RIMS2: variants seen among roughly 807,000 people sequenced by gnomAD.
RIMS2 encodes regulating synaptic membrane exocytosis 2, also known as regulating synaptic membrane exocytosis protein 2.
A neutral mutation model predicts 174.4 loss-of-function variants in RIMS2; 59 were observed. The observed-to-expected ratio is 0.34, with a 90% confidence interval of 0.27 to 0.42. RIMS2 has a LOEUF of 0.42. RIMS2 is among the 10% of genes least tolerant of loss of function. The pLI, the probability that RIMS2 is intolerant of heterozygous loss-of-function variation, is 1.00. For synonymous variants in RIMS2, 606 were observed against 572.5 expected (o/e 1.06, Z -0.84); for missense variants, 1,620 against 1,666.3 (o/e 0.97, Z 0.48).
At chr8:103,769,308 A>G (rs1418922730) in intron 3 of RIMS2, among the ~76,000 whole-genome samples, 4 of 152,046 alleles carry the variant, frequency 2.6e-5, no homozygotes, top group Non-Finnish European at 4.4e-5. Flanking sequence ...CCTATCTGTA[A>G]TCTTTGTTTT....
chr8:104,149,875 G>A (rs1035585935), intron 19 of RIMS2, among the ~76,000 whole-genome samples: 9 of 151,842 alleles, frequency 5.9e-5, no homozygotes, highest in Non-Finnish European at 8.8e-5. Flanking sequence ...ATAATTATTT[G>A]GTGGTATTTT....
intron 3 of RIMS2, among the ~76,000 whole-genome samples, chr8:103,852,662 GT>G (rs1158696424): frequency 2.0e-5 from 3 of 151,812 alleles, no homozygotes; most frequent in Non-Finnish European, 4.4e-5. Context: ...ATGGTATATG[GT>G]TTTCTGTTCC....
At chr8:104,122,477 A>G (rs1331517224) in intron 19 of RIMS2, among the ~76,000 whole-genome samples, 1 of 152,154 alleles carries the variant, frequency 6.6e-6, no homozygotes, top group Non-Finnish European at 1.5e-5. Context: ...ATAGGAAGCA[A>G]AGGGAAAGAA....
At chr8:104,136,583 G>A (rs1202635943) in intron 19 of RIMS2, among the ~76,000 whole-genome samples, 1 of 152,158 alleles carries the variant, frequency 6.6e-6, no homozygotes, top group African/African-American at 2.4e-5. Flanking sequence ...TAAAGAAAAT[G>A]TGGTACATAT....
At chr8:103,559,136 G>GC in intron 1 of RIMS2, 1 of 152,700 alleles carries the variant, frequency 6.5e-6, no homozygotes, top group Non-Finnish European at 1.3e-5. Flanking sequence ...CTGCCCATTT[G>GC]CCCCCAGCAG....
intron 1 of RIMS2, among the ~76,000 whole-genome samples, chr8:103,556,166 T>G (rs1036131219): frequency 6.6e-6 from 1 of 152,170 alleles, no homozygotes; most frequent in Admixed American, 6.5e-5. Context: ...TATTGTACAG[T>G]TGAAAATTTC....
chr8:103,519,134 A>G (rs1158865440), intron 1 of RIMS2, among the ~76,000 whole-genome samples: 1 of 151,982 alleles, frequency 6.6e-6, no homozygotes, highest in East Asian at 1.9e-4. Context: ...GGTAAAGGGG[A>G]CCCTTTCATA....
chr8:104,071,859 A>G (rs1479644339), intron 19 of RIMS2, among the ~76,000 whole-genome samples: 1 of 152,204 alleles, frequency 6.6e-6, no homozygotes, highest in African/African-American at 2.4e-5. Context: ...GACTTCCTCA[A>G]TTAGGGTTTC....
intron 19 of RIMS2, among the ~76,000 whole-genome samples, 176 bp downstream of exon 25, chr8:104,149,024 T>C (rs557253601): frequency 1.1e-4 from 16 of 152,324 alleles, no homozygotes; most frequent in African/African-American, 3.8e-4. Flanking sequence ...TTTCCAGTGA[T>C]CAATGAGCCT....
At chr8:104,228,478 C>T (rs953453856) in intron 19 of RIMS2, among the ~76,000 whole-genome samples, 5 of 152,052 alleles carry the variant, frequency 3.3e-5, no homozygotes, top group African/African-American at 1.2e-4. Context: ...GCCCTTACGC[C>T]GTTGAAATAA....
chr8:103,610,957 C>T, intron 1 of RIMS2, among the ~76,000 whole-genome samples: 1 of 152,110 alleles, frequency 6.6e-6, no homozygotes, highest in South Asian at 2.1e-4. Context: ...TGGGCCTGGG[C>T]TTCTTTGAGC....
intron 1 of RIMS2, among the ~76,000 whole-genome samples, chr8:103,596,311 C>A (rs936490453): frequency 6.6e-6 from 1 of 151,938 alleles, no homozygotes; most frequent in African/African-American, 2.4e-5. Flanking sequence ...TTTAGGTGAT[C>A]GCCAATTAAT....
intron 19 of RIMS2, among the ~76,000 whole-genome samples, chr8:104,205,013 T>G (rs2099073323): frequency 1.3e-5 from 2 of 152,110 alleles, no homozygotes; most frequent in Non-Finnish European, 2.9e-5. Flanking sequence ...GCTAATGGTT[T>G]TGGAATTTCT....
intron 3 of RIMS2, among the ~76,000 whole-genome samples, chr8:103,813,633 A>G (rs1163163162): frequency 6.6e-6 from 1 of 152,052 alleles, no homozygotes; most frequent in Non-Finnish European, 1.5e-5. Flanking sequence ...AGTCCCATCT[A>G]TGAGTGGGAG....
intron 1 of RIMS2, among the ~76,000 whole-genome samples, chr8:103,519,731 TAC>T (rs1414664131): frequency 7.7e-5 from 10 of 129,752 alleles, no homozygotes; most frequent in African/African-American, 2.7e-4. Flanking sequence ...GTGGCTTTAC[TAC>T]TTTTTTTTTT....
At chr8:104,188,507 T>C (rs1036124633) in intron 19 of RIMS2, among the ~76,000 whole-genome samples, 1 of 151,730 alleles carries the variant, frequency 6.6e-6, no homozygotes, top group Non-Finnish European at 1.5e-5. Context: ...CAAATAAGAC[T>C]TGTACATTTC....
intron 1 of RIMS2, among the ~76,000 whole-genome samples, chr8:103,555,822 A>G (rs1850190794): frequency 6.6e-6 from 1 of 151,964 alleles, no homozygotes. Context: ...AAAGAAAAAA[A>G]GTGCTATAAA....
At chr8:103,785,895 G>T (rs1208773644) in intron 3 of RIMS2, among the ~76,000 whole-genome samples, 4 of 152,162 alleles carry the variant, frequency 2.6e-5, no homozygotes, top group African/African-American at 9.7e-5. Flanking sequence ...GAATCCATCT[G>T]GTCCTGGACT....
At chr8:104,023,654 A>G (rs2096171043) in intron 19 of RIMS2, among the ~76,000 whole-genome samples, 1 of 152,224 alleles carries the variant, frequency 6.6e-6, no homozygotes, top group African/African-American at 2.4e-5. Flanking sequence ...AGATGCTGTT[A>G]GACATCCAAG....
Sources: allele counts gnomAD v4.1 joint callset (sites outside exome capture counted in the v4.1 genomes callset), GRCh38; gene constraint gnomAD v4.1.1; transcripts MANE v1.5; gene names NCBI Gene and HGNC (gene_info 2026-07-23, HGNC 2026-07-21).